The following IL1RAPL2 variants were observed in gnomAD, a reference collection of about 807,000 sequenced individuals.
IL1RAPL2 encodes the protein X-linked interleukin-1 receptor accessory protein-like 2.
Under a neutral mutation model 44.1 loss-of-function variants are expected in IL1RAPL2, and 3 were observed. That is an observed-to-expected ratio of 0.07 (90% CI 0.03 to 0.18). IL1RAPL2 has a LOEUF of 0.18. Ranked by LOEUF, IL1RAPL2 falls within the 10% of genes least tolerant of loss-of-function variation. IL1RAPL2 has a pLI of 1.00. For missense variants in IL1RAPL2, 391 were observed against 496.4 expected (o/e 0.79, Z 2.02); for synonymous variants, 181 against 178.8 (o/e 1.01, Z -0.10).
intron 6 of IL1RAPL2, among the ~76,000 whole-genome samples, chrX:105,567,017 G>T (rs1042682423): frequency 9.0e-6 from 1 of 111,288 alleles, no homozygotes; most frequent in East Asian, 2.8e-4. Flanking sequence ...GGTACAGCAG[G>T]TCATTGAACT....
At chrX:105,135,564 T>A (rs1426151499) in intron 2 of IL1RAPL2, among the ~76,000 whole-genome samples, 2 of 111,839 alleles carry the variant, frequency 1.8e-5, no homozygotes, top group African/African-American at 6.5e-5. Context: ...AGAATGAGAC[T>A]GGAGAATTAA....
At chrX:104,602,264 G>T (rs946540773) in intron 1 of IL1RAPL2, among the ~76,000 whole-genome samples, 1 of 111,422 alleles carries the variant, frequency 9.0e-6, no homozygotes, top group Non-Finnish European at 1.9e-5. Flanking sequence ...AAGGGAAGCC[G>T]TGAGGGACTG....
At chrX:105,430,057 C>T (rs1343433093) in intron 5 of IL1RAPL2, among the ~76,000 whole-genome samples, 1 of 111,455 alleles carries the variant, frequency 9.0e-6, no homozygotes, top group East Asian at 2.8e-4. Context: ...ATTCTCATGA[C>T]CTATTTTCCA....
At chrX:104,637,793 TG>T (rs1322268129) in intron 1 of IL1RAPL2, among the ~76,000 whole-genome samples, 3 of 109,396 alleles carry the variant, frequency 2.7e-5, no homozygotes, top group East Asian at 5.7e-4. Context: ...TGTGTGTGTG[TG>T]TGTGTGTCTG....
chrX:105,137,931 G>C (rs1221270609), intron 2 of IL1RAPL2, among the ~76,000 whole-genome samples: 4 of 111,442 alleles, frequency 3.6e-5, no homozygotes, highest in South Asian at 3.8e-4. Flanking sequence ...AAATTAGTCA[G>C]GCATGGTGGC....
chrX:105,735,027 CAG>C (rs1314850578), intron 7 of IL1RAPL2, among the ~76,000 whole-genome samples: 1 of 111,418 alleles, frequency 9.0e-6, no homozygotes, highest in Non-Finnish European at 1.9e-5. Context: ...CTTTCTGGGG[CAG>C]AAGTTTGCCC....
intron 2 of IL1RAPL2, among the ~76,000 whole-genome samples, chrX:104,788,767 T>A (rs1468257449): frequency 1.8e-5 from 2 of 111,790 alleles, no homozygotes; most frequent in Non-Finnish European, 3.8e-5. Context: ...GGCATGCACA[T>A]GAACCAGTAA....
chrX:105,053,033 A>C (rs2031948025), intron 2 of IL1RAPL2, among the ~76,000 whole-genome samples: 1 of 110,289 alleles, frequency 9.1e-6, no homozygotes, highest in South Asian at 3.9e-4. Flanking sequence ...ATCAGTTGGA[A>C]ATGCAGAAAT....
chrX:105,117,862 G>T (rs377172560), intron 2 of IL1RAPL2, among the ~76,000 whole-genome samples: 1 of 111,722 alleles, frequency 9.0e-6, no homozygotes, highest in Non-Finnish European at 1.9e-5. Context: ...TCATAAGAGG[G>T]ACTGAGTGAG....
chrX:105,644,611 AT>A (rs749963854), intron 6 of IL1RAPL2, among the ~76,000 whole-genome samples: 16 of 110,352 alleles, frequency 1.4e-4, no homozygotes, highest in African/African-American at 4.9e-4. Flanking sequence ...TTATTTTCTT[AT>A]TTTTTTTAAT....
At chrX:104,907,261 A>G in intron 2 of IL1RAPL2, among the ~76,000 whole-genome samples, 1 of 111,381 alleles carries the variant, frequency 9.0e-6, no homozygotes, top group Non-Finnish European at 1.9e-5. Context: ...CAGCTCCTGG[A>G]TTCATTAATT....
chrX:105,201,860 T>C (rs1345335161), intron 3 of IL1RAPL2, among the ~76,000 whole-genome samples: 1 of 111,925 alleles, frequency 8.9e-6, no homozygotes, highest in Non-Finnish European at 1.9e-5. Context: ...TCTTATAGAA[T>C]TAATTGACCT....
At chrX:105,695,736 A>G (rs150240188) in intron 6 of IL1RAPL2, among the ~76,000 whole-genome samples, 2,208 of 111,575 alleles carry the variant, frequency 0.02, 49 homozygotes, top group African/African-American at 0.069. Context: ...ACATTGTACA[A>G]TAGATACTAC....
At chrX:105,237,280 T>C (rs1303990895) in intron 4 of IL1RAPL2, among the ~76,000 whole-genome samples, 1 of 112,039 alleles carries the variant, frequency 8.9e-6, no homozygotes, top group Non-Finnish European at 1.9e-5. Flanking sequence ...TCTTTTCTAT[T>C]GTGAATAGTG....
chrX:104,964,728 A>G (rs186380359), intron 2 of IL1RAPL2, among the ~76,000 whole-genome samples: 2 of 111,974 alleles, frequency 1.8e-5, no homozygotes, highest in Non-Finnish European at 3.8e-5. Flanking sequence ...TTTAGACAAT[A>G]TGGTGTACTA....
chrX:104,857,842 G>T (rs1171520433), intron 2 of IL1RAPL2, among the ~76,000 whole-genome samples: 1 of 110,653 alleles, frequency 9.0e-6, no homozygotes, highest in African/African-American at 3.3e-5. Context: ...CCTGTTTTTT[G>T]TCCCTATAGT....
intron 2 of IL1RAPL2, among the ~76,000 whole-genome samples, chrX:104,908,127 C>T (rs1434250384): frequency 9.1e-6 from 1 of 110,367 alleles, no homozygotes; most frequent in Admixed American, 9.7e-5. Flanking sequence ...GATTGCAACC[C>T]CTGCCTTTTT....
chrX:104,742,114 C>T (rs1370879822), intron 2 of IL1RAPL2, among the ~76,000 whole-genome samples: 1 of 111,474 alleles, frequency 9.0e-6, no homozygotes, highest in East Asian at 2.8e-4. Context: ...AAGCAAAACT[C>T]CCAAGCCTGA....
intron 6 of IL1RAPL2, among the ~76,000 whole-genome samples, chrX:105,509,341 G>A (rs1440457368): frequency 1.8e-5 from 2 of 111,203 alleles, no homozygotes; most frequent in African/African-American, 6.5e-5. Flanking sequence ...AGGAACTTAC[G>A]AGAAAGGTCG....
Sources: gnomAD v4.1 joint callset for allele counts (sites outside exome capture counted in the v4.1 genomes callset) on GRCh38, gnomAD v4.1.1 for gene constraint, MANE v1.5 for transcripts, NCBI Gene and HGNC (gene_info 2026-07-23, HGNC 2026-07-21) for gene names.